The following KNDC1 variants were observed in gnomAD, a reference collection of about 807,000 sequenced individuals.
KNDC1 encodes kinase non-catalytic C-lobe domain-containing protein 1.
A neutral mutation model predicts 172.8 loss-of-function variants in KNDC1; 106 were observed. That is an observed-to-expected ratio of 0.61 (90% CI 0.52 to 0.72). KNDC1 has a LOEUF of 0.72. KNDC1 is among the 30% of genes least tolerant of loss of function. The pLI, the probability that KNDC1 is intolerant of heterozygous loss-of-function variation, is 0.00. For missense variants in KNDC1, 2,325 were observed against 2,394.5 expected (o/e 0.97, Z 0.61); for synonymous variants, 1,083 against 1,062.2 (o/e 1.02, Z -0.38).
In KNDC1 at chr10:133,224,672, G is replaced by A. The variant is rs1296732930; in HGVS notation, c.5032G>A (p.Val1678Met). The A allele has an allele frequency of 6.2e-7, 1 of 1,613,856 alleles. No homozygotes were observed. Among genetic ancestry groups the A allele is most frequent in the Non-Finnish European group, 8.5e-7 (1 of 1,179,946 alleles). Residue 1678 changes from valine (V) to methionine (M), a missense_variant, in exon 30 of 30, where the codon GTG (valine) becomes ATG (methionine). Transcript: ENST00000304613. This position sits in a 1 kb window ranked among gnomAD's most constrained non-coding sequence, Gnocchi z 5.4. ...RWSKLRNIAK[V>M]VSQVHAFQEN... ...CCTCAACGGAAGGAACATCGCAAAGGTGGTGAGCCAGGTGCACGCGTTCCA... is the reference window on the plus strand; with the variant it reads ...CCTCAACGGAAGGAACATCGCAAAGATGGTGAGCCAGGTGCACGCGTTCCA...
chr10:133,212,950 G>T (rs187460633), intron 24 of KNDC1, 28 bp downstream of exon 24: 51 of 1,588,356 alleles, frequency 3.2e-5, no homozygotes, highest in Non-Finnish European at 3.9e-5. Context: ...CTGCGCCCAG[G>T]TCACCTGCGA....
At position 133,186,714 on chromosome 10, in the gene KNDC1, G is replaced by A. The variant is rs563157577; in HGVS notation, c.1326+40G>A. ...CTTGTGTGTGGGTGGAGGGGTCGGC[G>A]GTCAGTGAGTCCGGGGCCGGGCCTC... On this transcript the variant is annotated intron_variant, in intron 6 of 29. Transcript: ENST00000304613. The A allele has an allele frequency of 2.7e-5, 39 of 1,458,328 alleles. No homozygotes were observed. The African/African-American group carries it at 4.1e-4, about 15-fold the overall frequency. 90.3% of individuals were successfully genotyped at this position (1,458,328 alleles called of 1,614,324 possible).
chr10:133,218,930 C>A lies in KNDC1; in HGVS notation c.4777C>A (p.His1593Asn). Reference sequence around the variant, plus strand: ...CATGCAGATCCTGAGCGGGCTGGAGCACCTGGCCGTGAGGCAGTCCCCTGT... The same window carrying A: ...CATGCAGATCCTGAGCGGGCTGGAGAACCTGGCCGTGAGGCAGTCCCCTGT... ...TAMQILSGLE[H>N]LAVRQSPAWR... Residue 1593 changes from histidine to asparagine, a missense_variant, in exon 27 of 30, where the codon CAC (histidine) becomes AAC (asparagine). Coordinates refer to ENST00000304613, the MANE Select transcript of KNDC1 (RefSeq NM_152643.8). 4 of 1,613,800 alleles carry A rather than the reference C, an allele frequency of 2.5e-6. No homozygotes were observed. The highest frequency in any genetic ancestry group is 3.4e-6 in the Non-Finnish European group (4 of 1,179,894).
intron 11 of KNDC1, 38 bp from the exon 12 acceptor site, chr10:133,197,637 C>T (rs368429320): frequency 2.4e-5 from 37 of 1,517,484 alleles, no homozygotes; most frequent in South Asian, 3.4e-5. Flanking sequence ...GGCGGAGCTC[C>T]GTGGTCACCT....
At chr10:133,180,556 CAAAG>C (rs1348266415) in intron 3 of KNDC1, among the ~76,000 whole-genome samples, 1 of 152,260 alleles carries the variant, frequency 6.6e-6, no homozygotes, top group African/African-American at 2.4e-5. Context: ...TTAGCAGAAA[CAAAG>C]GAAAGCTGTC....
chr10:133,173,891 C>G (rs1853449013), intron 3 of KNDC1: 3 of 152,216 alleles, frequency 2.0e-5, no homozygotes, highest in African/African-American at 4.8e-5. Flanking sequence ...CACACTAGGG[C>G]TTTTATGTGT....
intron 3 of KNDC1, chr10:133,174,329 G>A (rs145038666): frequency 6.6e-5 from 10 of 152,146 alleles, no homozygotes; most frequent in African/African-American, 2.4e-4. Flanking sequence ...GGAAGGAAGG[G>A]CGGTGAAGAT....
At chr10:133,175,049 G>A (rs1853488396) in intron 3 of KNDC1, among the ~76,000 whole-genome samples, 1 of 146,706 alleles carries the variant, frequency 6.8e-6, no homozygotes, top group Non-Finnish European at 1.5e-5. Flanking sequence ...GTAGATATGT[G>A]GATGGATGGG....
intron 29 of KNDC1, among the ~76,000 whole-genome samples, chr10:133,221,865 C>T: frequency 2.3e-5 from 2 of 87,234 alleles, no homozygotes; most frequent in African/African-American, 7.7e-5. Flanking sequence ...ACGCCTGTAA[C>T]CCTAGGTGGG....
intron 3 of KNDC1, among the ~76,000 whole-genome samples, chr10:133,171,722 C>T (rs1249594144): frequency 6.6e-6 from 1 of 152,182 alleles, no homozygotes; most frequent in Non-Finnish European, 1.5e-5. Context: ...GCAATCCTCC[C>T]ACGTCAGCTT....
chr10:133,185,445 A>AGGCAGTGTGTGCAGTGTGGAG (rs1853868892), intron 5 of KNDC1, among the ~76,000 whole-genome samples: 1 of 46,472 alleles, frequency 2.2e-5, no homozygotes, highest in African/African-American at 8.3e-5. Context: ...GCAGTGTGGA[A>AGGCAGTGTGTGCAGTGTGGAG]TAGGCAGTGT....
intron 1 of KNDC1, among the ~76,000 whole-genome samples, chr10:133,162,242 C>T (rs552251440): frequency 6.6e-6 from 1 of 152,326 alleles, no homozygotes; most frequent in African/African-American, 2.4e-5. Flanking sequence ...ATTCCCCTGG[C>T]GTTCAGACTC....
intron 15 of KNDC1, 126 bp from the exon 16 acceptor site, chr10:133,200,249 G>T: frequency 3.2e-6 from 2 of 618,010 alleles, no homozygotes. Flanking sequence ...ACTGAGAGGG[G>T]TGAGCTCCTG....
At chr10:133,179,955 A>G (rs1853667555) in intron 3 of KNDC1, among the ~76,000 whole-genome samples, 1 of 152,194 alleles carries the variant, frequency 6.6e-6, no homozygotes, top group Non-Finnish European at 1.5e-5. Context: ...TCTGGCCCAC[A>G]GGCTTGGAGA....
chr10:133,193,823 A>T (rs1029566850), intron 9 of KNDC1, among the ~76,000 whole-genome samples: 1 of 152,244 alleles, frequency 6.6e-6, no homozygotes, highest in African/African-American at 2.4e-5. Flanking sequence ...ATTACCAGAG[A>T]TAAAGAGGGA....
chr10:133,160,982 CG>C (rs1374450183), intron 1 of KNDC1, among the ~76,000 whole-genome samples: 1 of 151,374 alleles, frequency 6.6e-6, no homozygotes, highest in African/African-American at 2.4e-5. Flanking sequence ...GGTTCAGGAG[CG>C]GGGGGTGGGG....
chr10:133,218,958 G>T lies in KNDC1; in HGVS notation c.4800+5G>T. On this transcript the variant is annotated splice_donor_5th_base_variant and intron_variant, in intron 27 of 29. Transcript: ENST00000304613. Reference sequence around the variant, plus strand: ...CTGGCCGTGAGGCAGTCCCCTGTGCGTCCCCCTCGGGCCCCAAGGCGGGGG... The same window carrying T: ...CTGGCCGTGAGGCAGTCCCCTGTGCTTCCCCCTCGGGCCCCAAGGCGGGGG... The T allele has an allele frequency of 6.2e-7, 1 of 1,613,692 alleles. No individual in the cohort carries two copies. Among genetic ancestry groups the T allele is most frequent in the Non-Finnish European group, 8.5e-7 (1 of 1,179,858 alleles).
At chr10:133,166,444 T>C (rs1853156017) in intron 1 of KNDC1, among the ~76,000 whole-genome samples, 1 of 147,914 alleles carries the variant, frequency 6.8e-6, no homozygotes, top group Admixed American at 6.7e-5. Context: ...TGGGAATGGG[T>C]GTGTGCGGGT....
At chr10:133,185,893 TGGGAGGAGAGGGGAGGGGC>T (rs769701352) in intron 5 of KNDC1, 62 bp from the exon 6 acceptor site, 114,662 of 611,334 alleles carry the variant, frequency 0.19, 16,774 homozygotes, top group Non-Finnish European at 0.22. Flanking sequence ...AGGGGAGGGG[TGGGAGGAGAGGGGAGGGGC>T]GGGAGGAGAG....
Sources: allele counts gnomAD v4.1 joint callset (sites outside exome capture counted in the v4.1 genomes callset), GRCh38; gene constraint gnomAD v4.1.1; non-coding constraint Gnocchi (gnomAD v3.1); transcripts MANE v1.5; gene names NCBI Gene and HGNC (gene_info 2026-07-23, HGNC 2026-07-21).